The following SLC9A5 variants were observed in gnomAD, a reference collection of about 807,000 sequenced individuals.
SLC9A5 encodes solute carrier family 9 member A5, also known as sodium/hydrogen exchanger 5.
A neutral mutation model predicts 91.7 loss-of-function variants in SLC9A5; 52 were observed. That is an observed-to-expected ratio of 0.57 (90% CI 0.45 to 0.71). The LOEUF (loss-of-function observed/expected upper bound fraction) is 0.71. SLC9A5 is among the 30% of genes least tolerant of loss of function. SLC9A5 has a pLI of 0.00. For missense variants in SLC9A5, 871 were observed against 1,158.9 expected (o/e 0.75, Z 3.61); for synonymous variants, 419 against 474.5 (o/e 0.88, Z 1.52).
rs760551826 is a variant in SLC9A5 at position 67,258,275 on chromosome 16, C to A, written c.1497-43C>A. On this transcript the variant is annotated intron_variant, in intron 9 of 15. Transcript: ENST00000299798. This position sits in a 1 kb window ranked among gnomAD's most constrained non-coding sequence, Gnocchi z 4.5. ...TCTGAGGAAGGGCCACCTGGCCAGG[C>A]CTTGGGAATGGGACTCAGGGCCGGG... is the stretch of plus-strand genomic sequence containing the variant. The A allele has an allele frequency of 3.7e-6, 6 of 1,609,388 alleles. No individual in the cohort carries two copies. Among genetic ancestry groups the A allele is most frequent in the Non-Finnish European group, 5.1e-6 (6 of 1,178,576 alleles).
chr16:67,267,375 C>T (rs770119353), intron 15 of SLC9A5, among the ~76,000 whole-genome samples: 11 of 152,058 alleles, frequency 7.2e-5, no homozygotes, highest in Admixed American at 2.0e-4. Context: ...CATGAGCCAC[C>T]GTGCTCAGCA....
intron 15 of SLC9A5, among the ~76,000 whole-genome samples, chr16:67,268,527 A>G (rs930587499): frequency 1.3e-4 from 20 of 149,186 alleles, no homozygotes; most frequent in Non-Finnish European, 3.0e-5. Flanking sequence ...ACGCCACTAC[A>G]CTCCAGCCTG....
rs1708343625 is a variant in SLC9A5 at position 67,255,992 on chromosome 16, C to T, written c.911+62C>T. 6.5e-7 allele frequency: 1 copy of T among 1,539,882 alleles called. No individual in the cohort carries two copies. Among genetic ancestry groups the T allele is most frequent in the East Asian group, 2.3e-5 (1 of 43,918 alleles). ...GGGGGCACTGGAGATGGTTGCCCCT[C>T]ATAGGGACACAGGCAGGAACTTCAG... On this transcript the variant is annotated intron_variant, in intron 5 of 15. Coordinates refer to ENST00000299798, the MANE Select transcript of SLC9A5 (RefSeq NM_004594.3). This position sits in a 1 kb window ranked among gnomAD's most constrained non-coding sequence, Gnocchi z 4.9.
In SLC9A5 at chr16:67,257,664, G is replaced by A; in HGVS notation, c.1496+63G>A. The A allele has an allele frequency of 1.9e-6, 3 of 1,541,002 alleles. No homozygotes were observed. Among genetic ancestry groups the A allele is most frequent in the Non-Finnish European group, 2.7e-6 (3 of 1,114,636 alleles). ...GCCCCACCAGCCAGGGAAGCATGGG[G>A]GATGTGCCACACTTCTGAGAAGGGA... On this transcript the variant is annotated intron_variant, in intron 9 of 15. Coordinates refer to ENST00000299798, the MANE Select transcript of SLC9A5 (RefSeq NM_004594.3). The surrounding 1 kb of genome is among the most constrained non-coding windows in gnomAD (Gnocchi z 5.1).
chr16:67,256,818 CCT>C lies in SLC9A5; in HGVS notation c.1133-92_1133-91del, dbSNP rs1188941069. On this transcript the variant is annotated intron_variant, in intron 6 of 15. Transcript: ENST00000299798. This position sits in a 1 kb window ranked among gnomAD's most constrained non-coding sequence, Gnocchi z 4.1. ...CTCTTGTTGCTCACCTGTCCCAGCC[CCT>C]GTTAGACCTCAGCCCAGATACTTGG... 9 of 1,406,832 alleles carry C rather than the reference CCT, an allele frequency of 6.4e-6. 1 individual carries two copies. Among genetic ancestry groups the C allele is most frequent in the Non-Finnish European group, 9.0e-6 (9 of 1,003,332 alleles). The allele number at this position is 1,406,832 out of a possible 1,614,324, so 87.1% of individuals were successfully genotyped here. A position where few individuals can be genotyped will look rare whatever the true frequency, so the allele number is the denominator to read the frequency against.
chr16:67,265,225 C>G (rs2035661472), intron 14 of SLC9A5, 119 bp downstream of exon 14: 1 of 869,352 alleles, frequency 1.2e-6, no homozygotes, highest in Non-Finnish European at 1.9e-6. Context: ...ACCTGGGGCT[C>G]TTCCTCCAGG....
intron 15 of SLC9A5, among the ~76,000 whole-genome samples, chr16:67,269,791 C>G (rs1329643668): frequency 6.6e-6 from 1 of 152,198 alleles, no homozygotes; most frequent in African/African-American, 2.4e-5. Flanking sequence ...CAGAGGAATT[C>G]TCTTTCCAGG....
chr16:67,268,310 C>CCCAGCCAG (rs1216154417), intron 15 of SLC9A5, among the ~76,000 whole-genome samples: 1 of 151,124 alleles, frequency 6.6e-6, no homozygotes, highest in Non-Finnish European at 1.5e-5. Context: ...AACTACCATG[C>CCCAGCCAG]CCAGCCAGAT....
Position 67,271,027 on chromosome 16 carries a change from C to A in SLC9A5, c.2508C>A (p.Arg836=), listed in dbSNP as rs770585522. 3.7e-6 allele frequency: 6 copies of A among 1,613,316 alleles called. No homozygotes were observed. The highest frequency in any genetic ancestry group is 1.7e-5 in the Admixed American group (1 of 59,964). ...CTCTCCACCTACCTTCTGATCCACGCTCTAGCTTCGCCTTCCCACCGAGCC... is the reference window on the plus strand; with the variant it reads ...CTCTCCACCTACCTTCTGATCCACGATCTAGCTTCGCCTTCCCACCGAGCC... ...QVPLHLPSDP[R]SSFAFPPSLA... The change falls in exon 16 of 16, where the codon CGC becomes CGA. Residue 836 remains arginine (R), a synonymous_variant. Coordinates refer to ENST00000299798, the MANE Select transcript of SLC9A5 (RefSeq NM_004594.3).
chr16:67,262,382 C>G, intron 12 of SLC9A5: 1 of 408,742 alleles, frequency 2.4e-6, no homozygotes, highest in Non-Finnish European at 5.0e-6. Context: ...TAGAGAGAGA[C>G]AGAGATATCT....
chr16:67,249,098 C>T lies in SLC9A5; in HGVS notation c.84C>T (p.Gly28=), dbSNP rs770759528. ...EEPTQKPESP[G]EPPPGLELFR... ...CCACCCAGAAGCCAGAGTCCCCGGG[C>T]GAGCCTCCCCCAGGCTTAGAGCTCT... Residue 28 remains glycine, a synonymous_variant, in exon 1 of 16, where the codon GGC becomes GGT. Transcript: ENST00000299798. 4 of 1,540,338 alleles carry T rather than the reference C, an allele frequency of 2.6e-6. No individual in the cohort carries two copies. The highest frequency in any genetic ancestry group is 3.5e-6 in the Non-Finnish European group (4 of 1,149,982).
chr16:67,268,910 A>G (rs1488008246), intron 15 of SLC9A5, among the ~76,000 whole-genome samples: 1 of 151,034 alleles, frequency 6.6e-6, no homozygotes, highest in Non-Finnish European at 1.5e-5. Context: ...AATGAACAGG[A>G]CAACCCTCAC....
At position 67,270,967 on chromosome 16, in the gene SLC9A5, T is replaced by A. The variant is rs747687754; in HGVS notation, c.2448T>A (p.Pro816=). Residue 816 remains proline, a synonymous_variant, in exon 16 of 16, where the codon CCT becomes CCA. Coordinates refer to ENST00000299798, the MANE Select transcript of SLC9A5 (RefSeq NM_004594.3). This position sits in a 1 kb window ranked among gnomAD's most constrained non-coding sequence, Gnocchi z 4.3. ...AGGCCCCAATTCTGACCTGCCTGCC[T>A]CCCCATCCACGGGGCACTGAAGAGC... The part of the protein sequence containing the change: ...CNQAPILTCL[P]PHPRGTEEPQ... The A allele has an allele frequency of 5.6e-6, 9 of 1,613,956 alleles. No individual in the cohort carries two copies. The highest frequency in any genetic ancestry group is 7.6e-6 in the Non-Finnish European group (9 of 1,179,926).
At position 67,271,422 on chromosome 16, in the gene SLC9A5, TGTTTCATTAAGGCCTCTACTCTGGCTCAG is replaced by T. The variant is rs2035921616; in HGVS notation, c.*214_*242del. 1.7e-6 allele frequency: 1 copy of T among 592,284 alleles called. No individual in the cohort carries two copies. Among genetic ancestry groups the T allele is most frequent in the Admixed American group, 3.0e-5 (1 of 33,842 alleles). The allele number at this position is 592,284 out of a possible 1,614,324, so 36.7% of individuals were successfully genotyped here. On this transcript the variant is annotated 3_prime_UTR_variant, in exon 16 of 16. Transcript: ENST00000299798. ...CCTGCTCCTAACCCCTGCCACTTTC[TGTTTCATTAAGGCCTCTACTCTGGCTCAG>T]GACCCAGTCCAGGCCTTCTACGGGC...
intron 15 of SLC9A5, among the ~76,000 whole-genome samples, chr16:67,266,471 G>T (rs891508210): frequency 6.6e-6 from 1 of 152,184 alleles, no homozygotes; most frequent in African/African-American, 2.4e-5. Context: ...GCATCACATA[G>T]TAGAACCAGA....
rs377060606 is a variant in SLC9A5 at position 67,259,937 on chromosome 16, G to T, written c.1833G>T (p.Pro611=). ...HHLLCGGLYK[P]RRRYKASCSR... is the part of the protein sequence containing the mutation. ...TGCTCTGCGGAGGCCTCTACAAGCC[G>T]CGCCGTAGGGTGAGAGCAGGCAGGC... is the stretch of plus-strand genomic sequence containing the variant. The change falls in exon 12 of 16, where the codon CCG becomes CCT. Residue 611 remains proline, a synonymous_variant. Coordinates refer to ENST00000299798, the MANE Select transcript of SLC9A5 (RefSeq NM_004594.3). The T allele has an allele frequency of 6.2e-7, 1 of 1,613,918 alleles. No homozygotes were observed. The highest frequency in any genetic ancestry group is 1.3e-5 in the African/African-American group (1 of 75,034).
intron 15 of SLC9A5, among the ~76,000 whole-genome samples, chr16:67,268,325 A>ATT (rs548983298): frequency 8.1e-5 from 10 of 123,944 alleles, no homozygotes; most frequent in African/African-American, 1.2e-4. Context: ...CCAGATAAGG[A>ATT]TTTTTTTTTT....
chr16:67,255,102 C>T lies in SLC9A5; in HGVS notation c.572C>T (p.Ala191Val). ...GCGGTGGACCCCGTGGCCGTGCTAG[C>T]TGTCTTTGAGGAGGTGCACGTCAAT... ...ISAVDPVAVL[A>V]VFEEVHVNET... The change falls in exon 3 of 16, where the codon GCT (alanine) becomes GTT (valine). Residue 191 changes from alanine to valine, a missense_variant. Physicochemically the swap from Ala to Val is moderately conservative, Grantham distance 64. Transcript: ENST00000299798. This position sits in a 1 kb window ranked among gnomAD's most constrained non-coding sequence, Gnocchi z 4.9. 6.2e-7 allele frequency: 1 copy of T among 1,614,094 alleles called. No individual in the cohort carries two copies. The highest frequency in any genetic ancestry group is 1.1e-5 in the South Asian group (1 of 91,078).
intron 15 of SLC9A5, among the ~76,000 whole-genome samples, chr16:67,268,683 T>C (rs2035811130): frequency 1.4e-5 from 1 of 70,060 alleles, no homozygotes; most frequent in Admixed American, 1.3e-4. Context: ...TATATATATA[T>C]ATATATATAT....
Sources: gnomAD v4.1 joint callset for allele counts (sites outside exome capture counted in the v4.1 genomes callset) on GRCh38, gnomAD v4.1.1 for gene constraint, Gnocchi (gnomAD v3.1) non-coding constraint, MANE v1.5 for transcripts, NCBI Gene and HGNC (gene_info 2026-07-23, HGNC 2026-07-21) for gene names.